CTNNA2: variants seen among roughly 807,000 people sequenced by gnomAD.
CTNNA2 encodes the protein catenin alpha 2.
CTNNA2 carries 42 observed loss-of-function variants against 101.0 expected under a neutral mutation model. That is an observed-to-expected ratio of 0.42 (90% CI 0.32 to 0.54). The LOEUF (loss-of-function observed/expected upper bound fraction) is 0.54. Ranked by LOEUF, CTNNA2 falls within the 20% of genes least tolerant of loss-of-function variation. The probability of loss-of-function intolerance (pLI) is 0.14; values close to 1 mark genes in which losing one functional copy is unlikely to be tolerated. For synonymous variants in CTNNA2, 450 were observed against 456.4 expected (o/e 0.99, Z 0.18); for missense variants, 871 against 1,223.1 (o/e 0.71, Z 4.29).
intron 2 of CTNNA2, among the ~76,000 whole-genome samples, chr2:79,286,875 G>A (rs1157405856): frequency 1.3e-4 from 20 of 152,108 alleles, no homozygotes; most frequent in South Asian, 6.2e-4. Flanking sequence ...CATTCTCTCC[G>A]TCACTTTCAG....
chr2:80,267,784 G>A (rs1055864326), intron 7 of CTNNA2, among the ~76,000 whole-genome samples: 3 of 152,208 alleles, frequency 2.0e-5, no homozygotes, highest in Admixed American at 6.5e-5. Context: ...GTTCTCAGAT[G>A]AGTGGACAGA....
intron 1 of CTNNA2, among the ~76,000 whole-genome samples, chr2:79,521,143 TA>T (rs1672092549): frequency 5.5e-5 from 2 of 36,372 alleles, no homozygotes; most frequent in African/African-American, 2.7e-4. Context: ...TATATATATA[TA>T]TATATATATA....
intron 9 of CTNNA2, among the ~76,000 whole-genome samples, chr2:80,499,801 A>G (rs7582248): frequency 6.6e-6 from 1 of 151,932 alleles, no homozygotes. Context: ...AGCCTGGGTG[A>G]CAACGTGAGA....
chr2:80,403,056 C>A (rs1159602986), intron 8 of CTNNA2, among the ~76,000 whole-genome samples: 2 of 151,950 alleles, frequency 1.3e-5, no homozygotes, highest in Non-Finnish European at 2.9e-5. Flanking sequence ...TTTAAAAAAT[C>A]AAAAATAATG....
At chr2:79,453,730 C>T (rs1339575914) in intron 4 of CTNNA2, among the ~76,000 whole-genome samples, 5 of 152,064 alleles carry the variant, frequency 3.3e-5, no homozygotes, top group African/African-American at 1.2e-4. Context: ...TAGTATTCTG[C>T]CAACCTACTC....
intron 13 of CTNNA2, among the ~76,000 whole-genome samples, chr2:80,574,568 T>A (rs1315897620): frequency 6.6e-6 from 1 of 152,192 alleles, no homozygotes; most frequent in Non-Finnish European, 1.5e-5. Flanking sequence ...CTCAGTTTCA[T>A]ACAACCTTTA....
intron 2 of CTNNA2, among the ~76,000 whole-genome samples, chr2:79,255,514 A>G (rs1030596745): frequency 6.6e-6 from 1 of 152,222 alleles, no homozygotes; most frequent in African/African-American, 2.4e-5. Context: ...CAGAGTTACA[A>G]CTGAGGCATG....
chr2:79,806,135 G>GA (rs1327646056), intron 3 of CTNNA2, among the ~76,000 whole-genome samples: 17 of 151,948 alleles, frequency 1.1e-4, no homozygotes, highest in African/African-American at 4.1e-4. Flanking sequence ...AGATTCAAAT[G>GA]CCATGTTGCA....
At chr2:80,348,872 G>A (rs551347865) in intron 7 of CTNNA2, among the ~76,000 whole-genome samples, 2 of 152,198 alleles carry the variant, frequency 1.3e-5, no homozygotes, top group Admixed American at 6.5e-5. Context: ...TTTGCAAGAG[G>A]TAGATGCTTC....
chr2:79,187,277 T>C (rs1304546333), intron 1 of CTNNA2, among the ~76,000 whole-genome samples: 7 of 136,474 alleles, frequency 5.1e-5, no homozygotes, highest in African/African-American at 1.9e-4. Context: ...TTTCTTTTTT[T>C]TTTTTTTTTT....
At chr2:80,412,181 G>A (rs1679641498) in intron 8 of CTNNA2, among the ~76,000 whole-genome samples, 1 of 152,106 alleles carries the variant, frequency 6.6e-6, no homozygotes, top group Admixed American at 6.6e-5. Flanking sequence ...TCTCATAAAG[G>A]CAAGTGCTCT....
intron 2 of CTNNA2, among the ~76,000 whole-genome samples, chr2:79,729,522 C>T (rs1444927618): frequency 1.3e-5 from 2 of 151,992 alleles, no homozygotes; most frequent in Admixed American, 6.6e-5. Context: ...TATCCAGGGC[C>T]CATTCTGCAA....
At chr2:80,297,762 G>T (rs1304352410) in intron 7 of CTNNA2, among the ~76,000 whole-genome samples, 1 of 152,054 alleles carries the variant, frequency 6.6e-6, no homozygotes, top group African/African-American at 2.4e-5. Flanking sequence ...TGTGGCATAA[G>T]GAGCCCAGAA....
chr2:79,569,619 G>A (rs964784915), intron 1 of CTNNA2, among the ~76,000 whole-genome samples: 2 of 152,074 alleles, frequency 1.3e-5, no homozygotes, highest in African/African-American at 4.8e-5. Context: ...AGCAATGTAG[G>A]ACTTGATACC....
intron 9 of CTNNA2, 133 bp downstream of exon 9, chr2:80,419,734 T>A: frequency 1.1e-6 from 1 of 899,256 alleles, no homozygotes; most frequent in Non-Finnish European, 1.6e-6. Flanking sequence ...TTCTTTCCTT[T>A]ACTTTCTGAT....
At chr2:80,197,442 C>T (rs1376654138) in intron 7 of CTNNA2, among the ~76,000 whole-genome samples, 1 of 152,188 alleles carries the variant, frequency 6.6e-6, no homozygotes, top group Non-Finnish European at 1.5e-5. Flanking sequence ...TGAATTACCT[C>T]AAATCCTTAC....
chr2:80,230,033 CA>C (rs1709103766), intron 7 of CTNNA2, among the ~76,000 whole-genome samples: 1 of 152,074 alleles, frequency 6.6e-6, no homozygotes, highest in Admixed American at 6.6e-5. Flanking sequence ...CTACAATTTT[CA>C]GTTGAATAAC....
chr2:80,202,148 C>A (rs949044418), intron 7 of CTNNA2, among the ~76,000 whole-genome samples: 1 of 152,204 alleles, frequency 6.6e-6, no homozygotes, highest in East Asian at 1.9e-4. Flanking sequence ...CTCCTCCTCC[C>A]TCTTTCCCTG....
chr2:79,210,292 T>G (rs1459744220), intron 2 of CTNNA2, among the ~76,000 whole-genome samples: 2 of 152,148 alleles, frequency 1.3e-5, no homozygotes, highest in Non-Finnish European at 1.5e-5. Flanking sequence ...GGGAACAGCT[T>G]AAATAAAAGA....
Sources: allele counts gnomAD v4.1 joint callset (sites outside exome capture counted in the v4.1 genomes callset), GRCh38; gene constraint gnomAD v4.1.1; transcripts MANE v1.5; gene names NCBI Gene and HGNC (gene_info 2026-07-23, HGNC 2026-07-21).